The following IFT70A variants were observed in gnomAD, a reference collection of about 807,000 sequenced individuals.
IFT70A encodes the protein intraflagellar transport protein 70A.
At chr2:177,618,530 G>C in the IFT70A span, 4 of 1,591,320 alleles carry the variant, frequency 2.5e-6, no homozygotes, top group Non-Finnish European at 3.4e-6. Context: ...AACTCCTGCA[G>C]GCGGTAGTAG....
chr2:177,617,336 C>T, the IFT70A span: 4 of 1,592,574 alleles, frequency 2.5e-6, no homozygotes, highest in Non-Finnish European at 2.6e-6. Context: ...ACATCATGGT[C>T]GTTACAGAAT....
chr2:177,617,873 T>C, the IFT70A span: 2 of 1,614,214 alleles, frequency 1.2e-6, no homozygotes, highest in African/African-American at 2.7e-5. Context: ...CTGGGTGGCA[T>C]GTCGGTGAGG....
chr2:177,617,682 T>C, the IFT70A span: 5 of 1,614,220 alleles, frequency 3.1e-6, no homozygotes, highest in East Asian at 4.5e-5. Context: ...CCAGGACATC[T>C]GCTGCCAGGT....
the IFT70A span, chr2:177,618,197 G>A: frequency 6.2e-7 from 1 of 1,614,236 alleles, no homozygotes; most frequent in Non-Finnish European, 8.5e-7. Flanking sequence ...GCTTCATACT[G>A]TCCCTCCTTG....
chr2:177,616,716 TC>T, the IFT70A span: 1 of 1,525,974 alleles, frequency 6.6e-7, no homozygotes, highest in South Asian at 1.4e-5. Context: ...ACTTATTCCA[TC>T]CTATAATCTC....
the IFT70A span, chr2:177,618,719 T>A: frequency 6.5e-7 from 1 of 1,527,880 alleles, no homozygotes; most frequent in Non-Finnish European, 8.8e-7. Flanking sequence ...ACGGCTGTTA[T>A]GCGTGCGGTT....
At chr2:177,615,096 A>G in the IFT70A span, 2 of 152,238 alleles carry the variant, frequency 1.3e-5, no homozygotes, top group African/African-American at 4.8e-5. Flanking sequence ...AGATTTGGAC[A>G]TGCAGGAGAT....
the IFT70A span, chr2:177,618,093 C>A: frequency 6.2e-6 from 10 of 1,614,136 alleles, no homozygotes; most frequent in Non-Finnish European, 8.5e-6. Context: ...CTGAGGCATA[C>A]TGTCGGCTGC....
the IFT70A span, chr2:177,617,015 CA>C: frequency 6.2e-7 from 1 of 1,613,550 alleles, no homozygotes; most frequent in East Asian, 2.2e-5. Flanking sequence ...CGAGAAATAC[CA>C]AACTCATAGT....
At chr2:177,618,261 T>G in the IFT70A span, 1 of 1,614,198 alleles carries the variant, frequency 6.2e-7, no homozygotes, top group South Asian at 1.1e-5. Flanking sequence ...CGCCTCCACT[T>G]TCTTCTCCCC....
chr2:177,617,303 C>A, the IFT70A span: 2 of 1,584,104 alleles, frequency 1.3e-6, no homozygotes, highest in Admixed American at 3.5e-5. Context: ...ATGAACAGAA[C>A]ATGAGCCACA....
At chr2:177,615,506 C>T in the IFT70A span, 1 of 152,002 alleles carries the variant, frequency 6.6e-6, no homozygotes, top group Non-Finnish European at 1.5e-5. Context: ...AGCAAAAATT[C>T]CAGGTAAAAA....
At chr2:177,617,437 T>G in the IFT70A span, 1 of 1,610,132 alleles carries the variant, frequency 6.2e-7, no homozygotes, top group Non-Finnish European at 8.5e-7. Flanking sequence ...AGGAATGTAT[T>G]TCTCCATGGT....
At chr2:177,617,527 C>G in the IFT70A span, 1 of 1,614,190 alleles carries the variant, frequency 6.2e-7, no homozygotes, top group Non-Finnish European at 8.5e-7. Context: ...CTTGGTGAGT[C>G]TCCGAAGCTG....
At chr2:177,615,760 A>C in the IFT70A span, 1 of 152,292 alleles carries the variant, frequency 6.6e-6, no homozygotes, top group East Asian at 1.9e-4. Flanking sequence ...GGCTTCTGAT[A>C]GTTCAAATGA....
chr2:177,613,474 T>C, the IFT70A span: 1 of 152,082 alleles, frequency 6.6e-6, no homozygotes. Context: ...AAGTACATAT[T>C]CTCCTTTCCA....
chr2:177,616,039 A>G, the IFT70A span: 2 of 152,222 alleles, frequency 1.3e-5, no homozygotes, highest in East Asian at 3.8e-4. Context: ...AAACTTAAGA[A>G]GCAACCAATC....
At chr2:177,615,007 G>A in the IFT70A span, 2 of 152,226 alleles carry the variant, frequency 1.3e-5, no homozygotes, top group Admixed American at 1.3e-4. Flanking sequence ...TATGGAAGTA[G>A]TTCTGGCATC....
the IFT70A span, chr2:177,618,402 C>T: frequency 3.7e-6 from 6 of 1,612,890 alleles, no homozygotes; most frequent in Non-Finnish European, 5.1e-6. Flanking sequence ...GGAAGGCGAC[C>T]CGAGTGGCCT....
Sources: gnomAD v4.1 joint callset for allele counts on GRCh38, gnomAD v4.1.1 for gene constraint, MANE v1.5 for transcripts, NCBI Gene and HGNC (gene_info 2026-07-23, HGNC 2026-07-21) for gene names.